The following XRRA1 variants were observed in gnomAD, a reference collection of about 807,000 sequenced individuals.
XRRA1 encodes X-ray radiation resistance associated 1.
A neutral mutation model predicts 80.2 loss-of-function variants in XRRA1; 69 were observed. The observed-to-expected ratio is 0.86, with a 90% confidence interval of 0.71 to 1.05. XRRA1 has a LOEUF of 1.05. XRRA1 is among the 50% of genes least tolerant of loss of function. The probability of loss-of-function intolerance (pLI) is 0.00; values close to 1 mark genes in which losing one functional copy is unlikely to be tolerated. For missense variants in XRRA1, 967 were observed against 976.4 expected (o/e 0.99, Z 0.13); for synonymous variants, 348 against 389.9 (o/e 0.89, Z 1.27).
intron 10 of XRRA1, among the ~76,000 whole-genome samples, chr11:74,870,439 G>A (rs1322871640): frequency 5.3e-5 from 8 of 152,112 alleles, no homozygotes; most frequent in East Asian, 3.9e-4. Flanking sequence ...CTTTCCTGTC[G>A]ACTGCCATGT....
intron 7 of XRRA1, among the ~76,000 whole-genome samples, chr11:74,924,495 G>A (rs1356952590): frequency 1.3e-5 from 2 of 150,468 alleles, no homozygotes; most frequent in African/African-American, 4.9e-5. Context: ...AAAAGAATAA[G>A]AGTGTGTTTC....
chr11:74,937,087 C>G lies in XRRA1; in HGVS notation c.95-19G>C, dbSNP rs1296580454. On this transcript the variant is annotated intron_variant, in intron 3 of 18. Coordinates refer to ENST00000684022, the MANE Select transcript of XRRA1 (RefSeq NM_001378157.1). ...CCTTGGCCTGTTGAGAAAATTAGAA[C>G]AGTGAAAAGGGGAAAACTCCAAAGC... 6.2e-7 allele frequency: 1 copy of G among 1,605,050 alleles called. No individual in the cohort carries two copies. Among genetic ancestry groups the G allele is most frequent in the Non-Finnish European group, 8.5e-7 (1 of 1,175,378 alleles).
chr11:74,865,479 T>G lies in XRRA1; in HGVS notation c.1004-2458A>C, dbSNP rs567253251. Among the ~76,000 whole-genome samples the G allele has an allele frequency of 2.0e-5, 3 of 152,250 alleles. No homozygotes were observed. The South Asian group carries it at 6.2e-4, about 32-fold the overall frequency. On this transcript the variant is annotated intron_variant, in intron 10 of 18. Transcript: ENST00000684022. ...TACAATCAGGGAATTATTCCATCTG[T>G]GCGGAGACATGCAGGCAGATGTGTG...
At chr11:74,884,438 C>G (rs2048513452) in intron 10 of XRRA1, among the ~76,000 whole-genome samples, 1 of 152,144 alleles carries the variant, frequency 6.6e-6, no homozygotes, top group Admixed American at 6.5e-5. Context: ...GCTTTTCATA[C>G]CCTATGCAAA....
intron 3 of XRRA1, 45 bp from the exon 4 acceptor site, chr11:74,937,113 T>C (rs759540828): frequency 6.3e-7 from 1 of 1,577,136 alleles, no homozygotes; most frequent in South Asian, 1.2e-5. Flanking sequence ...ACTCCAAAGC[T>C]ACAACGAGTG....
At chr11:74,908,172 C>A (rs918698857) in intron 8 of XRRA1, among the ~76,000 whole-genome samples, 11 of 152,208 alleles carry the variant, frequency 7.2e-5, no homozygotes, top group Admixed American at 2.6e-4. Context: ...ATTTCTTTAG[C>A]ACCTAATGCA....
chr11:74,867,282 A>C (rs781387993), intron 10 of XRRA1, among the ~76,000 whole-genome samples: 1 of 152,218 alleles, frequency 6.6e-6, no homozygotes, highest in Non-Finnish European at 1.5e-5. Context: ...AATGGAGATC[A>C]CTGACATTCA....
intron 10 of XRRA1, among the ~76,000 whole-genome samples, chr11:74,889,171 T>A (rs375548541): frequency 6.6e-6 from 1 of 152,214 alleles, no homozygotes; most frequent in South Asian, 2.1e-4. Context: ...CGGGTTACCC[T>A]CAAAGGGAAG....
intron 6 of XRRA1, among the ~76,000 whole-genome samples, chr11:74,929,816 C>T (rs1339319382): frequency 2.0e-5 from 3 of 152,176 alleles, no homozygotes; most frequent in Admixed American, 2.0e-4. Flanking sequence ...CTCATCCTGA[C>T]CTAACTATCT....
At position 74,840,979 on chromosome 11, in the gene XRRA1, CAGTT is replaced by C. The variant is rs539882713; in HGVS notation, c.*2217_*2220del. 323 of 151,826 alleles carry C rather than the reference CAGTT, an allele frequency of 2.1e-3. No homozygotes were observed. Among genetic ancestry groups the C allele is most frequent in the African/African-American group, 7.5e-3 (309 of 41,428 alleles). The allele number at this position is 151,826 out of a possible 1,614,324, so 9.4% of individuals were successfully genotyped here. ...ATAGTTTTTTCTTCCTGATTTTTTT[CAGTT>C]AGTTAGAGTTAAATGTACCTATAGC... On this transcript the variant is annotated 3_prime_UTR_variant, in exon 19 of 19. Coordinates refer to ENST00000684022, the MANE Select transcript of XRRA1 (RefSeq NM_001378157.1).
At chr11:74,887,532 G>A (rs1356407244) in intron 10 of XRRA1, among the ~76,000 whole-genome samples, 3 of 152,204 alleles carry the variant, frequency 2.0e-5, no homozygotes, top group African/African-American at 4.8e-5. Flanking sequence ...ATTTCCAACT[G>A]AGGTACGGGG....
chr11:74,882,751 C>G (rs1412471497), intron 10 of XRRA1, among the ~76,000 whole-genome samples: 1 of 151,638 alleles, frequency 6.6e-6, no homozygotes, highest in African/African-American at 2.4e-5. Flanking sequence ...AGCTGCAGGT[C>G]TGTTGGAGTA....
chr11:74,893,669 C>T (rs2051427270), intron 10 of XRRA1, among the ~76,000 whole-genome samples: 1 of 150,994 alleles, frequency 6.6e-6, no homozygotes, highest in South Asian at 2.1e-4. Context: ...TAGAAAAATG[C>T]AAATCAAAAC....
chr11:74,945,541 T>G (rs1947329672), intron 1 of XRRA1, among the ~76,000 whole-genome samples: 1 of 152,126 alleles, frequency 6.6e-6, no homozygotes, highest in South Asian at 2.1e-4. Context: ...TCGCAGAAAT[T>G]CTAGTTCCCT....
chr11:74,859,568 C>T (rs913688801), intron 11 of XRRA1, among the ~76,000 whole-genome samples: 3 of 152,144 alleles, frequency 2.0e-5, no homozygotes, highest in Admixed American at 6.5e-5. Flanking sequence ...CTGGTGCAGA[C>T]ATCAGAGGTA....
intron 10 of XRRA1, among the ~76,000 whole-genome samples, chr11:74,867,523 TA>T (rs1306861418): frequency 6.6e-6 from 1 of 151,614 alleles, no homozygotes; most frequent in African/African-American, 2.4e-5. Flanking sequence ...CAGACCAAAA[TA>T]AAAAAATAGT....
intron 12 of XRRA1, among the ~76,000 whole-genome samples, chr11:74,854,201 G>C (rs2040549560): frequency 6.6e-6 from 1 of 152,192 alleles, no homozygotes; most frequent in African/African-American, 2.4e-5. Context: ...ATAGGCAGTT[G>C]GATACACTGG....
intron 4 of XRRA1, 142 bp from the exon 5 acceptor site, chr11:74,934,014 C>CATTA (rs1944313356): frequency 1.3e-6 from 1 of 755,986 alleles, no homozygotes; most frequent in Non-Finnish European, 2.1e-6. Context: ...TTCATTCATT[C>CATTA]ATTATTCATC....
rs2041819497 is a variant in XRRA1 at position 74,859,272 on chromosome 11, T to C, written c.1056A>G (p.Ile352Met). 1 of 1,606,084 alleles carries C rather than the reference T, an allele frequency of 6.2e-7. No homozygotes were observed. Among genetic ancestry groups the C allele is most frequent in the African/African-American group, 1.3e-5 (1 of 74,632 alleles). ...TCTCGAATATGGGAGGAAGTGAACA[T>C]ATCTTGGTTGTCTTAGAAAGAAGGA... ...PGFSTSETTK[I>M]CSLPPIFEIL... The change falls in exon 12 of 19, where the codon ATA becomes ATG. Residue 352 changes from isoleucine to methionine, a missense_variant. Physicochemically the swap from Ile to Met is conservative, Grantham distance 10. Coordinates refer to ENST00000684022, the MANE Select transcript of XRRA1 (RefSeq NM_001378157.1).
Sources: gnomAD v4.1 joint callset for allele counts (sites outside exome capture counted in the v4.1 genomes callset) on GRCh38, gnomAD v4.1.1 for gene constraint, MANE v1.5 for transcripts, NCBI Gene and HGNC (gene_info 2026-07-23, HGNC 2026-07-21) for gene names.